BNC2: variants seen among roughly 807,000 people sequenced by gnomAD.
The protein encoded by BNC2 is zinc finger protein basonuclin-2.
A neutral mutation model predicts 76.3 loss-of-function variants in BNC2; 20 were observed. The observed-to-expected ratio is 0.26, with a 90% CI of 0.18 to 0.38. The LOEUF (loss-of-function observed/expected upper bound fraction) is 0.38. Ranked by LOEUF, BNC2 falls within the 10% of genes least tolerant of loss-of-function variation. The probability of loss-of-function intolerance (pLI) is 1.00; values close to 1 mark genes in which losing one functional copy is unlikely to be tolerated. For synonymous variants in BNC2, 582 were observed against 514.8 expected, an observed-to-expected ratio of 1.13 and a Z score of -1.77; for missense variants, 1,382 against 1,399.8, an observed-to-expected ratio of 0.99 and a Z score of 0.20.
intron 1 of BNC2, among the ~76,000 whole-genome samples, chr9:16,825,625 G>C (rs963636200): frequency 2.0e-5 from 3 of 152,078 alleles, no homozygotes; most frequent in Non-Finnish European, 2.9e-5. Flanking sequence ...GGGAGGAGGA[G>C]GAGGGGAGGG....
chr9:16,501,775 G>C (rs997443853), intron 5 of BNC2, among the ~76,000 whole-genome samples: 1 of 152,104 alleles, frequency 6.6e-6, no homozygotes, highest in Non-Finnish European at 1.5e-5. Flanking sequence ...TTTTAAAAAA[G>C]CGAATGTAAC....
intron 1 of BNC2, among the ~76,000 whole-genome samples, chr9:16,739,227 G>T (rs950928079): frequency 6.6e-6 from 1 of 152,168 alleles, no homozygotes; most frequent in Non-Finnish European, 1.5e-5. Flanking sequence ...TTGCTATTTA[G>T]CCTGTTATCT....
chr9:16,743,592 C>G (rs1367504996), intron 1 of BNC2, among the ~76,000 whole-genome samples: 1 of 152,194 alleles, frequency 6.6e-6, no homozygotes, highest in Non-Finnish European at 1.5e-5. Flanking sequence ...TGTGTGTGCT[C>G]CAGCCCCAAA....
rs184602617 is a variant in BNC2, at chr9:16,776,110, C to G, written c.4-37625G>C. ...TATTACCTACCCCTCAAGTTTATAACTATGGCTTTAGAATACACACCATGA... is the reference window on the plus strand; with the variant it reads ...TATTACCTACCCCTCAAGTTTATAAGTATGGCTTTAGAATACACACCATGA... On this transcript the variant is annotated intron_variant, in intron 1 of 6. Transcript: ENST00000380672. 2.8e-3 allele frequency among the ~76,000 whole-genome samples: 424 copies of G among 152,294 alleles called. 2 individuals are homozygous for G. Among genetic ancestry groups the G allele is most frequent in the African/African-American group, 9.9e-3 (410 of 41,560 alleles).
intron 3 of BNC2, among the ~76,000 whole-genome samples, chr9:16,587,269 A>C (rs946292982): frequency 4.0e-5 from 6 of 149,376 alleles, no homozygotes; most frequent in Admixed American, 1.3e-4. Context: ...GCTGGAGTAC[A>C]GTGGTGAGAT....
At chr9:16,861,639 T>C (rs928244007) in intron 1 of BNC2, among the ~76,000 whole-genome samples, 3 of 151,858 alleles carry the variant, frequency 2.0e-5, no homozygotes, top group South Asian at 4.2e-4. Context: ...TAGTCACTAG[T>C]ATGATTCAAA....
intron 1 of BNC2, among the ~76,000 whole-genome samples, chr9:16,838,166 C>A (rs1471132021): frequency 2.0e-5 from 3 of 152,190 alleles, no homozygotes; most frequent in Non-Finnish European, 4.4e-5. Flanking sequence ...CAAGTTTCAA[C>A]CTACCACATA....
At chr9:16,469,733 G>C (rs761338388) in intron 5 of BNC2, among the ~76,000 whole-genome samples, 7 of 152,214 alleles carry the variant, frequency 4.6e-5, no homozygotes, top group Admixed American at 1.3e-4. Context: ...GAGATGTGTT[G>C]AATGGCTTTG....
chr9:16,461,096 T>C (rs1821569439), intron 5 of BNC2, among the ~76,000 whole-genome samples: 2 of 152,188 alleles, frequency 1.3e-5, no homozygotes, highest in South Asian at 2.1e-4. Context: ...CTTTGATCAA[T>C]TGAGGCTCTC....
At chr9:16,865,924 C>CT (rs1819533446) in intron 1 of BNC2, among the ~76,000 whole-genome samples, 1 of 152,088 alleles carries the variant, frequency 6.6e-6, no homozygotes, top group Admixed American at 6.6e-5. Flanking sequence ...TAGCTGAACT[C>CT]TTGAGTGTAC....
chr9:16,668,211 G>T (rs1035098030), intron 3 of BNC2, among the ~76,000 whole-genome samples: 4 of 152,194 alleles, frequency 2.6e-5, no homozygotes, highest in Non-Finnish European at 4.4e-5. Flanking sequence ...TAGTCTGGAA[G>T]AGATCCTCCT....
Position 16,436,677 on chromosome 9 carries a change from C to T in BNC2, c.1517G>A (p.Arg506Gln), listed in dbSNP as rs760522381. 1.9e-6 allele frequency: 3 copies of T among 1,613,902 alleles called. No homozygotes were observed. Among genetic ancestry groups the T allele is most frequent in the South Asian group, 1.1e-5 (1 of 91,072 alleles). Residue 506 changes from arginine to glutamine, a missense_variant, in exon 6 of 7, where the codon CGA becomes CAA. Coordinates refer to ENST00000380672, the MANE Select transcript of BNC2 (RefSeq NM_017637.6). ...RLHMPMLRNN[R>Q]DKDLIRATSG... is the part of the protein sequence containing the mutation. The stretch of plus-strand genomic sequence containing the variant: ...GGTGGCCCGAATTAAATCTTTATCT[C>T]GGTTATTCCTTAGCATAGGCATGTG...
At chr9:16,865,348 A>G (rs558862389) in intron 1 of BNC2, among the ~76,000 whole-genome samples, 1 of 152,144 alleles carries the variant, frequency 6.6e-6, no homozygotes, top group Non-Finnish European at 1.5e-5. Context: ...ATCTTATTAG[A>G]GTTTTATAGT....
At chr9:16,523,935 G>A (rs1386567363) in intron 5 of BNC2, among the ~76,000 whole-genome samples, 2 of 152,038 alleles carry the variant, frequency 1.3e-5, no homozygotes, top group Non-Finnish European at 2.9e-5. Flanking sequence ...ACTCCAGCCT[G>A]GACAACAATT....
intron 3 of BNC2, among the ~76,000 whole-genome samples, chr9:16,703,519 A>C (rs995409708): frequency 3.9e-5 from 6 of 152,136 alleles, no homozygotes; most frequent in Non-Finnish European, 8.8e-5. Flanking sequence ...TAATGAATTC[A>C]CCTAAAATTT....
intron 1 of BNC2, among the ~76,000 whole-genome samples, chr9:16,750,006 T>C (rs1312679343): frequency 1.3e-5 from 2 of 152,212 alleles, no homozygotes; most frequent in Non-Finnish European, 2.9e-5. Flanking sequence ...TCATTTACAC[T>C]GCATGCATTT....
At chr9:16,757,010 T>A (rs1262040303) in intron 1 of BNC2, among the ~76,000 whole-genome samples, 55 of 138,830 alleles carry the variant, frequency 4.0e-4, no homozygotes, top group African/African-American at 1.4e-3. Context: ...AAAAAAAAAA[T>A]AGACCCAAGA....
chr9:16,553,248 A>G (rs887763699), intron 4 of BNC2, among the ~76,000 whole-genome samples: 1 of 152,220 alleles, frequency 6.6e-6, no homozygotes, highest in Non-Finnish European at 1.5e-5. Context: ...CTGAATGGTT[A>G]AAGAGGAGGA....
chr9:16,865,592 T>G (rs770443314), intron 1 of BNC2, among the ~76,000 whole-genome samples: 1 of 152,192 alleles, frequency 6.6e-6, no homozygotes, highest in Non-Finnish European at 1.5e-5. Flanking sequence ...GAAGGTTGTA[T>G]TCCTTAGGAA....
Sources: allele counts gnomAD v4.1 joint callset (sites outside exome capture counted in the v4.1 genomes callset), GRCh38; gene constraint gnomAD v4.1.1; transcripts MANE v1.5; gene names NCBI Gene and HGNC (gene_info 2026-07-23, HGNC 2026-07-21).